Variants in BCAS3 observed in about 807,000 individuals in gnomAD.
The protein encoded by BCAS3 is BCAS4/BCAS3 fusion.
In BCAS3, 53 loss-of-function variants were observed where a neutral mutation model predicts 116.1. That is an observed-to-expected ratio of 0.46 (90% CI 0.37 to 0.57). The LOEUF (loss-of-function observed/expected upper bound fraction) is 0.57, where lower values mean the gene tolerates loss of function less well. Among genes scored for constraint, BCAS3 ranks in the 20% least tolerant of loss-of-function variants. The pLI, the probability that BCAS3 is intolerant of heterozygous loss-of-function variation, is 0.00. For synonymous variants in BCAS3, 391 were observed against 408.2 expected, an observed-to-expected ratio of 0.96 and a Z score of 0.51; for missense variants, 917 against 1,165.4, an observed-to-expected ratio of 0.79 and a Z score of 3.10.
chr17:60,746,448 C>G (rs2042020459), intron 5 of BCAS3, among the ~76,000 whole-genome samples: 2 of 152,000 alleles, frequency 1.3e-5, no homozygotes, highest in Admixed American at 1.3e-4. Flanking sequence ...ATTTTTATCC[C>G]CCACAAAATG....
At chr17:61,172,457 C>A (rs2078894372) in intron 22 of BCAS3, among the ~76,000 whole-genome samples, 1 of 139,926 alleles carries the variant, frequency 7.1e-6, no homozygotes, top group African/African-American at 2.7e-5. Flanking sequence ...CACGGTGAAA[C>A]CCCGTCTCTA....
At chr17:60,779,228 G>T (rs566912352) in intron 6 of BCAS3, among the ~76,000 whole-genome samples, 4 of 151,786 alleles carry the variant, frequency 2.6e-5, no homozygotes, top group Admixed American at 2.0e-4. Context: ...AACTTTTTGA[G>T]TGCTGACATG....
At chr17:60,804,729 A>G (rs925507179) in intron 6 of BCAS3, among the ~76,000 whole-genome samples, 1 of 152,138 alleles carries the variant, frequency 6.6e-6, no homozygotes, top group East Asian at 1.9e-4. Context: ...ATGTCTGAGT[A>G]TATGTGTAGG....
rs763569430 is a variant in BCAS3 at position 61,124,796 on chromosome 17, A to G, written c.2425+40232A>G. Among the ~76,000 whole-genome samples the G allele has an allele frequency of 2.6e-5, 4 of 152,200 alleles. No individual in the cohort carries two copies. The highest frequency in any genetic ancestry group is 5.9e-5 in the Non-Finnish European group (4 of 68,038). ...GGTAATTTCCTGAGCTGTATGGTACAGATGATTTTCTGTGTTAGAAGATGC... is the reference window on the plus strand; with the variant it reads ...GGTAATTTCCTGAGCTGTATGGTACGGATGATTTTCTGTGTTAGAAGATGC... On this transcript the variant is annotated intron_variant, in intron 22 of 23. Transcript: ENST00000407086. This position sits in a 1 kb window ranked among gnomAD's most constrained non-coding sequence, Gnocchi z 4.6.
intron 6 of BCAS3, among the ~76,000 whole-genome samples, chr17:60,769,932 G>A (rs1472022648): frequency 6.6e-6 from 1 of 151,738 alleles, no homozygotes; most frequent in East Asian, 1.9e-4. Context: ...CCGCCACCAT[G>A]CCCAGCTAAT....
chr17:61,385,035 C>T (rs904705745), intron 23 of BCAS3, among the ~76,000 whole-genome samples: 1 of 152,208 alleles, frequency 6.6e-6, no homozygotes, highest in Admixed American at 6.5e-5. Flanking sequence ...GCCCTGGGGG[C>T]TGAGGCTGGC....
intron 6 of BCAS3, among the ~76,000 whole-genome samples, chr17:60,774,189 T>C (rs540025837): frequency 6.6e-6 from 1 of 152,296 alleles, no homozygotes; most frequent in East Asian, 1.9e-4. Flanking sequence ...TAGTTTCTAT[T>C]GGTGCCTCTT....
intron 4 of BCAS3, among the ~76,000 whole-genome samples, chr17:60,695,963 C>T (rs1398648956): frequency 6.6e-6 from 1 of 152,178 alleles, no homozygotes; most frequent in Non-Finnish European, 1.5e-5. Context: ...TACTTTTAAT[C>T]TTTGTCCACT....
intron 19 of BCAS3, among the ~76,000 whole-genome samples, chr17:61,059,063 C>CTTGTTTTTTTTT (rs2069697273): frequency 3.1e-5 from 1 of 32,780 alleles, no homozygotes; most frequent in Non-Finnish European, 6.3e-5. Context: ...TTCTCCCCAT[C>CTTGTTTTTTTTT]TTTTTTTTTT....
At position 61,181,408 on chromosome 17, in the gene BCAS3, G is replaced by A. The variant is rs1264417519; in HGVS notation, c.2425+96844G>A. ...TGATAGCCACTCAGAGAACTGAGAA[G>A]TGATTTATTGCTGGAGGTGATATTA... On this transcript the variant is annotated intron_variant, in intron 22 of 23. Coordinates refer to ENST00000407086, the MANE Select transcript of BCAS3 (RefSeq NM_017679.5). This position sits in a 1 kb window ranked among gnomAD's most constrained non-coding sequence, Gnocchi z 5.0. 6.6e-6 allele frequency among the ~76,000 whole-genome samples: 1 copy of A among 152,208 alleles called. No individual in the cohort carries two copies. Among genetic ancestry groups the A allele is most frequent in the Non-Finnish European group, 1.5e-5 (1 of 68,036 alleles).
chr17:60,933,952 C>T (rs2059791644), intron 13 of BCAS3, among the ~76,000 whole-genome samples: 1 of 152,138 alleles, frequency 6.6e-6, no homozygotes, highest in Non-Finnish European at 1.5e-5. Flanking sequence ...GATTTACTCT[C>T]TGAAGAATTA....
chr17:60,737,858 C>G (rs1207098509), intron 5 of BCAS3, among the ~76,000 whole-genome samples: 1 of 152,060 alleles, frequency 6.6e-6, no homozygotes, highest in Non-Finnish European at 1.5e-5. Context: ...GCAATCTTGG[C>G]TCACTACAAC....
At position 61,041,409 on chromosome 17, in the gene BCAS3, G is replaced by GTGTAATATATATATATATATATATAT. The variant is rs1304589455; in HGVS notation, c.2029+517_2029+518insTGTAATATATATATATATATATATAT. Among the ~76,000 whole-genome samples, 2 of 152,130 alleles carry GTGTAATATATATATATATATATATAT rather than the reference G, an allele frequency of 1.3e-5. No homozygotes were observed. The highest frequency in any genetic ancestry group is 1.5e-5 in the Non-Finnish European group (1 of 67,992). ...ATGTTTAAGCGTGAGCATTTGTAGA[G>GTGTAATATATATATATATATATATAT]ACTGAACCAAGTTCATTGACCTAGA... On this transcript the variant is annotated intron_variant, in intron 19 of 23. Coordinates refer to ENST00000407086, the MANE Select transcript of BCAS3 (RefSeq NM_017679.5). This position sits in a 1 kb window ranked among gnomAD's most constrained non-coding sequence, Gnocchi z 4.7.
intron 12 of BCAS3, among the ~76,000 whole-genome samples, chr17:60,923,862 TTCTC>T (rs1203950761): frequency 1.3e-5 from 2 of 152,184 alleles, no homozygotes; most frequent in Non-Finnish European, 1.5e-5. Flanking sequence ...GAAGTTCTAT[TTCTC>T]TCTAGAAACT....
intron 4 of BCAS3, among the ~76,000 whole-genome samples, chr17:60,707,259 C>A (rs1271556020): frequency 6.6e-6 from 1 of 151,144 alleles, no homozygotes; most frequent in Non-Finnish European, 1.5e-5. Flanking sequence ...TCCCAAAGTG[C>A]TGGGATTACA....
intron 2 of BCAS3, among the ~76,000 whole-genome samples, chr17:60,682,814 G>A (rs898440602): frequency 6.6e-6 from 1 of 152,102 alleles, no homozygotes. Context: ...GAGCTACCAC[G>A]CCTGGCCTAA....
At chr17:60,841,674 A>C (rs1038670911) in intron 7 of BCAS3, among the ~76,000 whole-genome samples, 1 of 151,202 alleles carries the variant, frequency 6.6e-6, no homozygotes, top group African/African-American at 2.4e-5. Context: ...GCCATTGCGC[A>C]TGGCCTATCT....
chr17:60,722,750 ACT>A (rs996829622), intron 5 of BCAS3, among the ~76,000 whole-genome samples: 5 of 140,702 alleles, frequency 3.6e-5, no homozygotes, highest in African/African-American at 8.2e-5. Flanking sequence ...ACAGAGCGAG[ACT>A]CTGTCTCAAA....
At chr17:60,724,071 A>AT (rs1210294672) in intron 5 of BCAS3, among the ~76,000 whole-genome samples, 3 of 151,148 alleles carry the variant, frequency 2.0e-5, no homozygotes, top group South Asian at 2.1e-4. Flanking sequence ...TCTGGTTCCG[A>AT]TTTTTTATCT....
Sources: allele counts gnomAD v4.1 joint callset (sites outside exome capture counted in the v4.1 genomes callset), GRCh38; gene constraint gnomAD v4.1.1; non-coding constraint Gnocchi (gnomAD v3.1); transcripts MANE v1.5; gene names NCBI Gene and HGNC (gene_info 2026-07-23, HGNC 2026-07-21).